Variants in ANO6 observed in about 807,000 individuals in gnomAD.
ANO6 encodes the protein anoctamin-6.
A neutral mutation model predicts 117.5 loss-of-function variants in ANO6; 106 were observed. That is an observed-to-expected ratio of 0.90 (90% CI 0.77 to 1.06). The LOEUF (loss-of-function observed/expected upper bound fraction) is 1.06. Ranked by LOEUF, ANO6 falls within the 50% of genes least tolerant of loss-of-function variation. The pLI, the probability that ANO6 is intolerant of heterozygous loss-of-function variation, is 0.00. For synonymous variants in ANO6, 367 were observed against 385.1 expected (o/e 0.95, Z 0.55); for missense variants, 955 against 1,121.1 (o/e 0.85, Z 2.12).
At chr12:45,265,063 A>G (rs1454478247) in intron 1 of ANO6, among the ~76,000 whole-genome samples, 3 of 152,194 alleles carry the variant, frequency 2.0e-5, no homozygotes, top group South Asian at 4.1e-4. Context: ...TATGTTGGCA[A>G]TTCCATTCTT....
rs115961467 is a variant in ANO6 at position 45,378,665 on chromosome 12, G to C, written c.1165+552G>C. ...ATATGGCCAAACCAGCATCAATGTG[G>C]GGCGGTGGGAGTACTACCCAGTGGC... On this transcript the variant is annotated intron_variant, in intron 10 of 19. Transcript: ENST00000320560. Among the ~76,000 whole-genome samples, 1,420 of 152,264 alleles carry C rather than the reference G, an allele frequency of 9.3e-3. 26 individuals carry two copies. Among genetic ancestry groups the C allele is most frequent in the African/African-American group, 0.032 (1,338 of 41,550 alleles).
chr12:45,405,580 G>A (rs1942911679), intron 15 of ANO6, among the ~76,000 whole-genome samples: 1 of 152,156 alleles, frequency 6.6e-6, no homozygotes, highest in South Asian at 2.1e-4. Context: ...GTAGGTGCCA[G>A]TTTTCTTAAC....
chr12:45,337,480 G>A (rs1940860241), intron 3 of ANO6, among the ~76,000 whole-genome samples: 1 of 152,016 alleles, frequency 6.6e-6, no homozygotes, highest in East Asian at 1.9e-4. Flanking sequence ...ACTCTATGGT[G>A]TTCACACAAA....
chr12:45,341,791 C>G (rs1940985853), intron 3 of ANO6, among the ~76,000 whole-genome samples: 1 of 151,990 alleles, frequency 6.6e-6, no homozygotes, highest in Non-Finnish European at 1.5e-5. Context: ...CCTGTTTTGT[C>G]AGATATTTGG....
At chr12:45,381,652 G>T (rs1942171579) in intron 10 of ANO6, among the ~76,000 whole-genome samples, 1 of 152,262 alleles carries the variant, frequency 6.6e-6, no homozygotes, top group Middle Eastern at 3.4e-3. Context: ...ATTCCCAGGG[G>T]TTTTCCTTCA....
intron 1 of ANO6, among the ~76,000 whole-genome samples, chr12:45,271,324 T>C (rs1053044662): frequency 6.6e-6 from 1 of 152,208 alleles, no homozygotes; most frequent in Non-Finnish European, 1.5e-5. Flanking sequence ...TTTATAAATA[T>C]ACATTTTAAG....
chr12:45,244,403 T>TGGTGG (rs1555159883), intron 1 of ANO6, among the ~76,000 whole-genome samples: 4 of 72,378 alleles, frequency 5.5e-5, no homozygotes, highest in African/African-American at 1.7e-4. Flanking sequence ...CTTCTCTATT[T>TGGTGG]GGGGGGGGGG....
Position 45,423,060 on chromosome 12 carries a change from G to C in ANO6, c.2524G>C (p.Glu842Gln), listed in dbSNP as rs375126977. ...CAAGCTGGCTTTTATCATTGTCATG[G>C]AGGTAGGAAAAGTATGCTTTCAAAC... ...AAKLAFIIVM[E>Q]HVIYSVKFFI... Residue 842 changes from glutamate (E) to glutamine (Q), a missense_variant and splice_region_variant, in exon 19 of 20, where the codon GAG becomes CAG. By Grantham distance (29) the Glu-to-Gln change is conservative (BLOSUM62 2). Coordinates refer to ENST00000320560, the MANE Select transcript of ANO6 (RefSeq NM_001025356.3). 6.2e-6 allele frequency: 10 copies of C among 1,608,376 alleles called. No homozygotes were observed. The African/African-American group carries it at 1.3e-4, about 22-fold the overall frequency.
At chr12:45,216,608 C>T (rs958847614) in intron 1 of ANO6, among the ~76,000 whole-genome samples, 20 of 152,308 alleles carry the variant, frequency 1.3e-4, no homozygotes, top group African/African-American at 4.8e-4. Context: ...GTGGTGGCCC[C>T]GAGGACAGGC....
At chr12:45,387,537 G>A (rs1002758021) in intron 10 of ANO6, among the ~76,000 whole-genome samples, 2 of 152,170 alleles carry the variant, frequency 1.3e-5, no homozygotes, top group African/African-American at 4.8e-5. Context: ...ATGCTTCAGT[G>A]TCAGACATAC....
intron 1 of ANO6, among the ~76,000 whole-genome samples, chr12:45,228,981 G>T (rs1379770673): frequency 6.6e-6 from 1 of 152,100 alleles, no homozygotes; most frequent in Non-Finnish European, 1.5e-5. Context: ...ATAGCCACTT[G>T]GGTCTGGAGG....
At chr12:45,408,011 C>G (rs1942985890) in intron 15 of ANO6, among the ~76,000 whole-genome samples, 1 of 152,080 alleles carries the variant, frequency 6.6e-6, no homozygotes, top group South Asian at 2.1e-4. Context: ...AGATAATTTC[C>G]CCTGAGTAAA....
At chr12:45,252,099 CAT>C (rs1266181905) in intron 1 of ANO6, among the ~76,000 whole-genome samples, 1 of 152,282 alleles carries the variant, frequency 6.6e-6, no homozygotes, top group Admixed American at 6.5e-5. Flanking sequence ...TGAGTTTTAA[CAT>C]AGAATGAAGG....
chr12:45,280,817 C>G (rs1410452744), intron 1 of ANO6, among the ~76,000 whole-genome samples: 3 of 151,944 alleles, frequency 2.0e-5, no homozygotes, highest in Admixed American at 6.6e-5. Context: ...CTCCCTTCCT[C>G]CAAAAATGCA....
chr12:45,351,720 G>A (rs748905738), intron 7 of ANO6, among the ~76,000 whole-genome samples: 7 of 152,084 alleles, frequency 4.6e-5, no homozygotes, highest in Non-Finnish European at 1.0e-4. Context: ...CACACATTTG[G>A]CAAGTTTGAG....
intron 1 of ANO6, 145 bp downstream of exon 1, chr12:45,216,536 T>C (rs1271684979): frequency 2.2e-6 from 2 of 922,526 alleles, no homozygotes; most frequent in Non-Finnish European, 3.2e-6. Flanking sequence ...AAGCCCGCTG[T>C]CCCCGGCTGC....
intron 1 of ANO6, among the ~76,000 whole-genome samples, chr12:45,278,597 G>A (rs948469071): frequency 6.6e-6 from 1 of 151,480 alleles, no homozygotes; most frequent in African/African-American, 2.4e-5. Context: ...CTCTCCCTTT[G>A]GTAACATCTT....
intron 1 of ANO6, among the ~76,000 whole-genome samples, chr12:45,219,503 A>ATTT (rs59216107): frequency 3.3e-4 from 40 of 119,654 alleles, no homozygotes; most frequent in Admixed American, 4.4e-4. Flanking sequence ...TGCCTGGCCA[A>ATTT]TTTTTTTTTT....
rs773621648 is a variant in ANO6, at chr12:45,264,648, A to T, written c.71-37366A>T. ...TAATTTTACCAATGGTTAGTTGGTG[A>T]AACCTGACTGTGGATACATACATAT... is the stretch of plus-strand genomic sequence containing the variant. On this transcript the variant is annotated intron_variant, in intron 1 of 19. Coordinates refer to ENST00000320560, the MANE Select transcript of ANO6 (RefSeq NM_001025356.3). 3.1e-4 allele frequency among the ~76,000 whole-genome samples: 47 copies of T among 152,246 alleles called. 1 individual carries two copies. The highest frequency in any genetic ancestry group is 5.2e-4 in the Admixed American group (8 of 15,288).
Sources: allele counts gnomAD v4.1 joint callset (sites outside exome capture counted in the v4.1 genomes callset), GRCh38; gene constraint gnomAD v4.1.1; transcripts MANE v1.5; gene names NCBI Gene and HGNC (gene_info 2026-07-23, HGNC 2026-07-21).